The following RALGPS1 variants were observed in gnomAD, a reference collection of about 807,000 sequenced individuals.
RALGPS1 encodes the protein Ral GEF with PH domain and SH3 binding motif 1, also known as ras-specific guanine nucleotide-releasing factor RalGPS1.
A neutral mutation model predicts 78.8 loss-of-function variants in RALGPS1; 19 were observed. The observed-to-expected ratio is 0.24, with a 90% CI of 0.17 to 0.35. The LOEUF is 0.35. Among genes scored for constraint, RALGPS1 ranks in the 10% least tolerant of loss-of-function variants. The pLI is 1.00. For synonymous variants in RALGPS1, 228 were observed against 256.3 expected, an observed-to-expected ratio of 0.89 and a Z score of 1.06; for missense variants, 454 against 688.3, an observed-to-expected ratio of 0.66 and a Z score of 3.81.
At chr9:127,185,347 C>T (rs2060575589) in intron 11 of RALGPS1, among the ~76,000 whole-genome samples, 1 of 152,262 alleles carries the variant, frequency 6.6e-6, no homozygotes, top group Non-Finnish European at 1.5e-5. Context: ...CTGTCTGCAT[C>T]CATCACTGCT....
intron 8 of RALGPS1, among the ~76,000 whole-genome samples, chr9:127,098,573 C>T (rs961307492): frequency 1.3e-5 from 2 of 152,150 alleles, no homozygotes; most frequent in Admixed American, 1.3e-4. Context: ...GGAGGGACAT[C>T]AGCAAGTAGG....
At chr9:127,089,374 A>G (rs562712912) in intron 8 of RALGPS1, among the ~76,000 whole-genome samples, 48 of 152,316 alleles carry the variant, frequency 3.2e-4, no homozygotes, top group African/African-American at 1.2e-3. Flanking sequence ...TCTCCCAGCC[A>G]CTGTATCCTC....
chr9:127,050,339 G>A (rs558578866), intron 6 of RALGPS1, among the ~76,000 whole-genome samples: 22 of 152,250 alleles, frequency 1.4e-4, no homozygotes, highest in East Asian at 3.9e-4. Flanking sequence ...CACCTTGTGC[G>A]CAAATTGGCA....
At chr9:127,161,875 C>T (rs771149063) in intron 8 of RALGPS1, among the ~76,000 whole-genome samples, 6 of 152,198 alleles carry the variant, frequency 3.9e-5, no homozygotes, top group Admixed American at 2.0e-4. Flanking sequence ...ACGGTATTCC[C>T]GGTGCACTCT....
chr9:126,986,226 A>T (rs1479056872), intron 4 of RALGPS1, among the ~76,000 whole-genome samples: 1 of 152,208 alleles, frequency 6.6e-6, no homozygotes. Context: ...GGAAAATGGA[A>T]GTTACAAATA....
intron 1 of RALGPS1, among the ~76,000 whole-genome samples, chr9:126,928,921 G>C (rs2035552271): frequency 6.6e-6 from 1 of 152,046 alleles, no homozygotes; most frequent in African/African-American, 2.4e-5. Context: ...CTTACTGGCT[G>C]TGAGTTCTTG....
chr9:126,974,528 A>G (rs2040419880), intron 3 of RALGPS1, among the ~76,000 whole-genome samples: 2 of 146,238 alleles, frequency 1.4e-5, no homozygotes, highest in South Asian at 2.5e-4. Flanking sequence ...AACATATGCA[A>G]AAAACTTTTT....
At chr9:126,978,808 C>T (rs1320038824) in intron 4 of RALGPS1, among the ~76,000 whole-genome samples, 1 of 152,136 alleles carries the variant, frequency 6.6e-6, no homozygotes, top group Non-Finnish European at 1.5e-5. Context: ...TTCCAAAGGG[C>T]CCACGTTTAC....
At chr9:127,207,242 T>G (rs1458020502) in intron 14 of RALGPS1, among the ~76,000 whole-genome samples, 3 of 152,104 alleles carry the variant, frequency 2.0e-5, no homozygotes, top group Non-Finnish European at 4.4e-5. Flanking sequence ...ATCATCACCT[T>G]GTACACCCCT....
intron 11 of RALGPS1, among the ~76,000 whole-genome samples, chr9:127,185,682 C>T (rs1028867842): frequency 2.0e-5 from 3 of 152,130 alleles, no homozygotes; most frequent in African/African-American, 7.2e-5. Flanking sequence ...TAGTTGTTGC[C>T]TTTACCGTAT....
intron 4 of RALGPS1, 22 bp from the exon 5 acceptor site, chr9:127,034,408 GA>G: frequency 6.2e-7 from 1 of 1,604,342 alleles, no homozygotes; most frequent in Non-Finnish European, 8.5e-7. Context: ...AATCACTGTT[GA>G]AATTCATTCT....
intron 4 of RALGPS1, among the ~76,000 whole-genome samples, chr9:127,028,284 G>C (rs1435316671): frequency 6.6e-6 from 1 of 152,278 alleles, no homozygotes; most frequent in Non-Finnish European, 1.5e-5. Context: ...AAGGCCTGCA[G>C]CTCTGTTCTG....
chr9:127,157,011 C>T (rs2058739210), intron 8 of RALGPS1, among the ~76,000 whole-genome samples: 1 of 152,022 alleles, frequency 6.6e-6, no homozygotes, highest in East Asian at 1.9e-4. Flanking sequence ...AATATACCTG[C>T]ATCGTATACT....
At chr9:127,215,417 G>C (rs562766953) in intron 18 of RALGPS1, among the ~76,000 whole-genome samples, 1 of 152,360 alleles carries the variant, frequency 6.6e-6, no homozygotes, top group Non-Finnish European at 1.5e-5. Context: ...GTCCCACGAA[G>C]GGTGTTATGC....
chr9:127,002,477 G>T (rs1347694817), intron 4 of RALGPS1, among the ~76,000 whole-genome samples: 1 of 130,716 alleles, frequency 7.7e-6, no homozygotes. Flanking sequence ...TTAAGTTTTA[G>T]GGTACATGTG....
At chr9:127,188,454 T>G (rs891395416) in intron 11 of RALGPS1, among the ~76,000 whole-genome samples, 2 of 152,118 alleles carry the variant, frequency 1.3e-5, no homozygotes, top group African/African-American at 4.8e-5. Context: ...GAGTCATGCC[T>G]CTCCAGTTCC....
Position 127,049,246 on chromosome 9 carries a change from C to T in RALGPS1, c.301-797C>T, listed in dbSNP as rs537943913. ...CATAAACAGGAAGAGCTAGCCACTT[C>T]CCAGCATTTCTTGGCATGAGTCTCT... On this transcript the variant is annotated intron_variant, in intron 5 of 18. Coordinates refer to ENST00000259351, the MANE Select transcript of RALGPS1 (RefSeq NM_014636.3). 6.6e-5 allele frequency among the ~76,000 whole-genome samples: 10 copies of T among 152,308 alleles called. No individual in the cohort carries two copies. In the East Asian group the frequency reaches 1.7e-3, roughly 26 times the overall value.
At chr9:126,996,353 A>G (rs201144771) in intron 4 of RALGPS1, among the ~76,000 whole-genome samples, 35 of 152,250 alleles carry the variant, frequency 2.3e-4, no homozygotes, top group Non-Finnish European at 4.3e-4. Flanking sequence ...AAGGGATATC[A>G]CCACTGATCC....
chr9:126,995,032 A>G (rs1389323199), intron 4 of RALGPS1, among the ~76,000 whole-genome samples: 1 of 152,224 alleles, frequency 6.6e-6, no homozygotes, highest in Non-Finnish European at 1.5e-5. Context: ...TGAAGGAAGC[A>G]CTAAACATGG....
Sources: allele counts gnomAD v4.1 joint callset (sites outside exome capture counted in the v4.1 genomes callset), GRCh38; gene constraint gnomAD v4.1.1; transcripts MANE v1.5; gene names NCBI Gene and HGNC (gene_info 2026-07-23, HGNC 2026-07-21).